The following ANKRD36 variants were observed in gnomAD, a reference collection of about 807,000 sequenced individuals.
ANKRD36 encodes ankyrin repeat domain-containing protein 36A.
ANKRD36 carries 179 observed loss-of-function variants against 278.1 expected under a neutral mutation model. The observed-to-expected ratio is 0.64, with a 90% confidence interval of 0.57 to 0.73. The LOEUF (loss-of-function observed/expected upper bound fraction) is 0.73, where lower values mean the gene tolerates loss of function less well. ANKRD36 is among the 30% of genes least tolerant of loss of function. The pLI is 0.00. For missense variants in ANKRD36, 1,159 were observed against 1,956.7 expected, an observed-to-expected ratio of 0.59 and a Z score of 7.69; for synonymous variants, 320 against 641.1, an observed-to-expected ratio of 0.50 and a Z score of 7.57.
intron 34 of ANKRD36, 63 bp downstream of exon 34, chr2:97,189,353 C>T (rs2058066291): frequency 1.5e-6 from 1 of 665,666 alleles, no homozygotes; most frequent in Admixed American, 2.7e-5. Flanking sequence ...TTCTCTACCC[C>T]GAATAAATCA....
chr2:97,135,128 A>G (rs566129323), intron 6 of ANKRD36, among the ~76,000 whole-genome samples: 2 of 152,170 alleles, frequency 1.3e-5, no homozygotes, highest in South Asian at 2.1e-4. Context: ...GCCATAGAAT[A>G]GAGTACAGTT....
At chr2:97,202,767 A>C (rs533428107) in intron 48 of ANKRD36, among the ~76,000 whole-genome samples, 6 of 151,916 alleles carry the variant, frequency 3.9e-5, no homozygotes, top group South Asian at 2.1e-4. Flanking sequence ...AAACAGACAG[A>C]AAACTTCTTG....
rs765029701 is a variant in ANKRD36 at position 97,187,194 on chromosome 2, T to A, written c.2042-4T>A. 6.2e-7 allele frequency: 1 copy of A among 1,609,548 alleles called. No homozygotes were observed. Among genetic ancestry groups the A allele is most frequent in the African/African-American group, 1.3e-5 (1 of 74,724 alleles). On this transcript the variant is annotated splice_region_variant and splice_polypyrimidine_tract_variant and intron_variant, in intron 30 of 75. Coordinates refer to ENST00000420699, the MANE Select transcript of ANKRD36 (RefSeq NM_001354587.1). The stretch of plus-strand genomic sequence containing the variant: ...AGTGATTATGTATCCCTTTTGCTTT[T>A]CAGTGTCTTCTCAGAAACAACCAGC...
At chr2:97,203,254 A>T (rs2061890536) in intron 48 of ANKRD36, among the ~76,000 whole-genome samples, 1 of 151,858 alleles carries the variant, frequency 6.6e-6, no homozygotes, top group Non-Finnish European at 1.5e-5. Context: ...GATTCTAATT[A>T]ACTCCTAAAA....
intron 50 of ANKRD36, 90 bp from the exon 51 acceptor site, chr2:97,205,850 G>A (rs558748798): frequency 9.9e-5 from 142 of 1,439,002 alleles, no homozygotes; most frequent in Middle Eastern, 2.4e-4. Context: ...ACAGGCAGGA[G>A]GACAGAGGTT....
intron 3 of ANKRD36, among the ~76,000 whole-genome samples, chr2:97,121,239 C>T (rs1021309253): frequency 6.6e-6 from 1 of 151,986 alleles, no homozygotes; most frequent in Non-Finnish European, 1.5e-5. Context: ...TAATCATCTT[C>T]CCATTAGAAT....
At chr2:97,202,152 T>C (rs1192792207) in intron 46 of ANKRD36, 50 bp from the exon 47 acceptor site, 1 of 1,605,498 alleles carries the variant, frequency 6.2e-7, no homozygotes, top group East Asian at 2.2e-5. Flanking sequence ...TGTATGGAAA[T>C]CTTTGTCATA....
chr2:97,192,027 T>C lies in ANKRD36; in HGVS notation c.2348-831T>C, dbSNP rs946616435. The stretch of plus-strand genomic sequence containing the variant: ...ACAAGGCTATTTTAGAAATAAAAAT[T>C]ATGTTGGATTCTAATTAAGTCCTAG... On this transcript the variant is annotated intron_variant, in intron 36 of 75. Coordinates refer to ENST00000420699, the MANE Select transcript of ANKRD36 (RefSeq NM_001354587.1). Among the ~76,000 whole-genome samples, 14 of 151,706 alleles carry C rather than the reference T, an allele frequency of 9.2e-5. 1 individual carries two copies. The highest frequency in any genetic ancestry group is 3.4e-4 in the African/African-American group (14 of 41,400).
intron 5 of ANKRD36, among the ~76,000 whole-genome samples, chr2:97,126,277 C>T (rs572589624): frequency 1.1e-4 from 15 of 141,032 alleles, no homozygotes; most frequent in Middle Eastern, 3.4e-3. Flanking sequence ...TGGAGATGAA[C>T]CATCATTCTA....
chr2:97,177,391 C>G (rs1304485376), intron 22 of ANKRD36, among the ~76,000 whole-genome samples: 3 of 151,866 alleles, frequency 2.0e-5, no homozygotes, highest in Non-Finnish European at 2.9e-5. Flanking sequence ...GCCAAAAGAA[C>G]AAAGCTGGAG....
At chr2:97,164,887 T>C (rs1308586582) in intron 20 of ANKRD36, among the ~76,000 whole-genome samples, 5 of 152,082 alleles carry the variant, frequency 3.3e-5, no homozygotes, top group African/African-American at 4.8e-5. Flanking sequence ...CGTTGTTACA[T>C]TGAGAATCTT....
intron 17 of ANKRD36, among the ~76,000 whole-genome samples, chr2:97,159,960 T>A (rs1416231133): frequency 1.3e-5 from 2 of 152,240 alleles, no homozygotes; most frequent in Non-Finnish European, 2.9e-5. Context: ...TTTTTTAATA[T>A]TTTTAGTAGA....
chr2:97,235,599 T>C (rs976196540), intron 68 of ANKRD36, among the ~76,000 whole-genome samples: 2 of 140,262 alleles, frequency 1.4e-5, no homozygotes, highest in African/African-American at 5.3e-5. Context: ...GGAAAAATTC[T>C]ACATCCGACC....
intron 6 of ANKRD36, among the ~76,000 whole-genome samples, chr2:97,139,320 A>G (rs2042290137): frequency 1.3e-5 from 2 of 152,064 alleles, no homozygotes; most frequent in African/African-American, 2.4e-5. Flanking sequence ...AGAAAAAGAA[A>G]TCACCCAAAT....
intron 6 of ANKRD36, among the ~76,000 whole-genome samples, chr2:97,129,135 G>T (rs2039401131): frequency 6.6e-6 from 1 of 152,018 alleles, no homozygotes; most frequent in Non-Finnish European, 1.5e-5. Context: ...AGCACCTGTT[G>T]TTTCCTGACT....
chr2:97,187,159 T>C (rs2057574110), intron 30 of ANKRD36, 39 bp from the exon 31 acceptor site: 2 of 1,608,130 alleles, frequency 1.2e-6, no homozygotes, highest in Non-Finnish European at 1.7e-6. Flanking sequence ...ATGTATCATA[T>C]TTACATATGA....
At chr2:97,150,902 C>G (rs982833485) in intron 12 of ANKRD36, among the ~76,000 whole-genome samples, 25 of 148,372 alleles carry the variant, frequency 1.7e-4, no homozygotes. Flanking sequence ...CCCTCTCTCT[C>G]TCTGTAGTAA....
At position 97,205,989 on chromosome 2, in the gene ANKRD36, A is replaced by G. The variant is rs200118960; in HGVS notation, c.3090+21A>G. 4 of 1,550,164 alleles carry G rather than the reference A, an allele frequency of 2.6e-6. 1 individual carries two copies. Among genetic ancestry groups the G allele is most frequent in the African/African-American group, 2.7e-5 (2 of 73,128 alleles). The stretch of plus-strand genomic sequence containing the variant: ...TGAAGGTAATGAAACTCCCATTTAT[A>G]TTGTGAACGAGTTAATATATGGTCT... On this transcript the variant is annotated intron_variant, in intron 51 of 75. Transcript: ENST00000420699.
intron 6 of ANKRD36, among the ~76,000 whole-genome samples, chr2:97,130,147 T>C (rs1042271587): frequency 6.6e-6 from 1 of 151,872 alleles, no homozygotes; most frequent in Non-Finnish European, 1.5e-5. Flanking sequence ...TTTATTTCAT[T>C]GAGCAGTGGT....
Sources: allele counts gnomAD v4.1 joint callset (sites outside exome capture counted in the v4.1 genomes callset), GRCh38; gene constraint gnomAD v4.1.1; transcripts MANE v1.5; gene names NCBI Gene and HGNC (gene_info 2026-07-23, HGNC 2026-07-21).